Variants in PTPRM observed in about 807,000 individuals in gnomAD.
The protein encoded by PTPRM is protein tyrosine phosphatase receptor type M.
A neutral mutation model predicts 186.7 loss-of-function variants in PTPRM; 47 were observed. The ratio of observed to expected loss-of-function variants is 0.25; its 90% CI spans 0.20 to 0.32. The LOEUF is 0.32. PTPRM is among the 10% of genes least tolerant of loss of function. The pLI, the probability that PTPRM is intolerant of heterozygous loss-of-function variation, is 1.00. For synonymous variants in PTPRM, 668 were observed against 674.9 expected (o/e 0.99, Z 0.16); for missense variants, 1,494 against 1,865.0 (o/e 0.80, Z 3.66).
chr18:7,887,441 AAGG>A (rs1045813763), intron 2 of PTPRM, among the ~76,000 whole-genome samples: 2 of 152,158 alleles, frequency 1.3e-5, no homozygotes, highest in Admixed American at 6.5e-5. Context: ...CTCCACTGTC[AAGG>A]AGAAGTCAGT....
chr18:7,932,541 A>G (rs1415582364), intron 5 of PTPRM, among the ~76,000 whole-genome samples: 2 of 152,170 alleles, frequency 1.3e-5, no homozygotes, highest in Non-Finnish European at 2.9e-5. Context: ...GTACATGTTT[A>G]TACTTACGTA....
chr18:7,865,197 C>T (rs2047616887), intron 2 of PTPRM, among the ~76,000 whole-genome samples: 1 of 152,172 alleles, frequency 6.6e-6, no homozygotes, highest in Non-Finnish European at 1.5e-5. Flanking sequence ...ATTTCTTTCT[C>T]TTGCCTGATT....
chr18:7,961,765 A>G (rs1044881789), intron 7 of PTPRM, among the ~76,000 whole-genome samples: 1 of 152,160 alleles, frequency 6.6e-6, no homozygotes, highest in Non-Finnish European at 1.5e-5. Flanking sequence ...AAGTATACAC[A>G]TTTTTATAAA....
In PTPRM at chr18:7,567,640, C is replaced by T. The variant is rs79074627; in HGVS notation, c.-179C>T. ...AGGAGGACCCAGGACCCTGTGCCCG[C>T]GCCCCTGGAGCCGCTGGAGTTCGGA... On this transcript the variant is annotated 5_prime_UTR_variant, in exon 1 of 33. Coordinates refer to ENST00000580170, the MANE Select transcript of PTPRM (RefSeq NM_001105244.2). The surrounding 1 kb of genome is among the most constrained non-coding windows in gnomAD (Gnocchi z 4.3). 8.7e-3 allele frequency: 4,574 copies of T among 524,498 alleles called. 175 individuals carry two copies. Among genetic ancestry groups the T allele is most frequent in the African/African-American group, 0.083 (4,105 of 49,220 alleles). The allele number at this position is 524,498 out of a possible 1,614,324, so 32.5% of individuals were successfully genotyped here.
At chr18:8,275,067 A>G (rs1243557813) in intron 19 of PTPRM, among the ~76,000 whole-genome samples, 2 of 152,182 alleles carry the variant, frequency 1.3e-5, no homozygotes, top group African/African-American at 4.8e-5. Flanking sequence ...AATCGTTATT[A>G]AAAGGATCAT....
intron 7 of PTPRM, among the ~76,000 whole-genome samples, chr18:8,034,671 C>T (rs1022308343): frequency 1.3e-5 from 2 of 152,154 alleles, no homozygotes; most frequent in African/African-American, 4.8e-5. Context: ...CACAGTTCTG[C>T]CGGCTTCTGC....
intron 14 of PTPRM, among the ~76,000 whole-genome samples, chr18:8,240,828 A>AGAG (rs879710754): frequency 0.017 from 523 of 30,796 alleles, 25 homozygotes; most frequent in Admixed American, 0.023. Context: ...GAGAGAGAGA[A>AGAG]AGAAAGAAAG....
intron 7 of PTPRM, among the ~76,000 whole-genome samples, chr18:8,000,110 G>A (rs1011194743): frequency 6.6e-6 from 1 of 152,132 alleles, no homozygotes; most frequent in Non-Finnish European, 1.5e-5. Context: ...CCTGCATTAG[G>A]GAGGGCAATC....
At chr18:8,160,464 G>T (rs1413344561) in intron 14 of PTPRM, among the ~76,000 whole-genome samples, 6 of 148,170 alleles carry the variant, frequency 4.0e-5, no homozygotes. Context: ...GGGTTTTGTT[G>T]TTGTTGTTGT....
chr18:8,071,722 G>A (rs1266041653), intron 8 of PTPRM, among the ~76,000 whole-genome samples: 4 of 152,114 alleles, frequency 2.6e-5, no homozygotes, highest in African/African-American at 9.7e-5. Flanking sequence ...GCCAGTCGGG[G>A]CCTCTCCTGG....
At chr18:8,183,189 A>T (rs1005651279) in intron 14 of PTPRM, among the ~76,000 whole-genome samples, 9 of 152,218 alleles carry the variant, frequency 5.9e-5, no homozygotes, top group Non-Finnish European at 1.5e-5. Flanking sequence ...TTCTAAATGG[A>T]TTTAGACATT....
At chr18:7,974,565 G>T (rs1162104872) in intron 7 of PTPRM, among the ~76,000 whole-genome samples, 1 of 152,170 alleles carries the variant, frequency 6.6e-6, no homozygotes, top group African/African-American at 2.4e-5. Context: ...GCATTAATGG[G>T]AAATCCATAG....
intron 1 of PTPRM, among the ~76,000 whole-genome samples, chr18:7,649,522 A>G (rs563866259): frequency 6.6e-6 from 1 of 152,316 alleles, no homozygotes; most frequent in African/African-American, 2.4e-5. Flanking sequence ...TCATGGGAGG[A>G]GGTGAACATA....
intron 1 of PTPRM, among the ~76,000 whole-genome samples, chr18:7,673,005 G>A (rs1476534590): frequency 6.6e-6 from 1 of 152,208 alleles, no homozygotes; most frequent in Non-Finnish European, 1.5e-5. Flanking sequence ...GGCTCAGGAA[G>A]GTGGTGTTCA....
At chr18:8,117,392 A>T (rs1395307585) in intron 13 of PTPRM, among the ~76,000 whole-genome samples, 2 of 152,240 alleles carry the variant, frequency 1.3e-5, no homozygotes, top group Non-Finnish European at 2.9e-5. Flanking sequence ...CTCCTGAAAC[A>T]ACTGTTGACA....
chr18:7,835,323 A>T (rs2045990506), intron 2 of PTPRM, among the ~76,000 whole-genome samples: 2 of 150,690 alleles, frequency 1.3e-5, no homozygotes, highest in Admixed American at 1.3e-4. Context: ...TTTCCTTCTT[A>T]ATTTCTTCAT....
chr18:7,746,342 T>C (rs2040985303), intron 1 of PTPRM, among the ~76,000 whole-genome samples: 1 of 152,210 alleles, frequency 6.6e-6, no homozygotes, highest in Non-Finnish European at 1.5e-5. Flanking sequence ...CATGATCTTT[T>C]TGAAGTCCTG....
intron 7 of PTPRM, among the ~76,000 whole-genome samples, chr18:8,006,593 C>G (rs561189309): frequency 6.6e-6 from 1 of 152,290 alleles, no homozygotes; most frequent in South Asian, 2.1e-4. Flanking sequence ...ATTTCTTGCC[C>G]TTTCTCCAGG....
intron 7 of PTPRM, among the ~76,000 whole-genome samples, chr18:8,056,634 A>G (rs1391716759): frequency 2.0e-5 from 3 of 152,170 alleles, no homozygotes; most frequent in Non-Finnish European, 4.4e-5. Context: ...AAGAAAAAAA[A>G]AAAAAGATAA....
Sources: allele counts gnomAD v4.1 joint callset (sites outside exome capture counted in the v4.1 genomes callset), GRCh38; gene constraint gnomAD v4.1.1; non-coding constraint Gnocchi (gnomAD v3.1); transcripts MANE v1.5; gene names NCBI Gene and HGNC (gene_info 2026-07-23, HGNC 2026-07-21).